CDIN1: variants seen among roughly 807,000 people sequenced by gnomAD.
The protein encoded by CDIN1 is CDAN1-interacting nuclease 1.
Under a neutral mutation model 45.3 loss-of-function variants are expected in CDIN1, and 33 were observed. That is an observed-to-expected ratio of 0.73 (90% CI 0.55 to 0.97). The LOEUF (loss-of-function observed/expected upper bound fraction) is 0.97, where lower values mean the gene tolerates loss of function less well. CDIN1 is among the 50% of genes least tolerant of loss of function. The pLI is 0.00. For missense variants in CDIN1, 303 were observed against 339.4 expected (o/e 0.89, Z 0.84); for synonymous variants, 118 against 124.4 (o/e 0.95, Z 0.34).
At chr15:36,709,831 A>T (rs117412070) in intron 9 of CDIN1, 25 bp from the exon 10 acceptor site, 5 of 1,576,774 alleles carry the variant, frequency 3.2e-6, no homozygotes, top group Non-Finnish European at 4.4e-6. Flanking sequence ...CCTTCTCCGT[A>T]TATTAGTAAT....
chr15:36,605,161 G>A (rs759759449), intron 1 of CDIN1, among the ~76,000 whole-genome samples: 1 of 151,664 alleles, frequency 6.6e-6, no homozygotes, highest in Admixed American at 6.6e-5. Flanking sequence ...TTATTATTTT[G>A]TACTATAGCC....
intron 6 of CDIN1, 31 bp from the exon 7 acceptor site, chr15:36,692,094 CA>C: frequency 6.2e-7 from 1 of 1,609,190 alleles, no homozygotes; most frequent in Non-Finnish European, 8.5e-7. Context: ...GTAGCCGCCC[CA>C]CCCCAGACCC....
chr15:36,624,340 A>G (rs2039326480), intron 1 of CDIN1, among the ~76,000 whole-genome samples: 1 of 152,220 alleles, frequency 6.6e-6, no homozygotes, highest in Non-Finnish European at 1.5e-5. Flanking sequence ...TGAATCAAGA[A>G]TAAAAGGTTG....
intron 1 of CDIN1, among the ~76,000 whole-genome samples, chr15:36,633,363 T>G (rs1001424595): frequency 1.3e-5 from 2 of 152,204 alleles, no homozygotes; most frequent in African/African-American, 2.4e-5. Context: ...GAGGTAACTC[T>G]TTTCTTGAGT....
intron 5 of CDIN1, among the ~76,000 whole-genome samples, chr15:36,682,549 G>A (rs181017034): frequency 6.6e-6 from 1 of 151,400 alleles, no homozygotes; most frequent in Non-Finnish European, 1.5e-5. Flanking sequence ...TGAGGCAGGT[G>A]GATTGCTTGA....
At chr15:36,644,361 C>T in intron 2 of CDIN1, 38 bp downstream of exon 2, 1 of 1,582,834 alleles carries the variant, frequency 6.3e-7, no homozygotes, top group South Asian at 1.1e-5. Flanking sequence ...TGACAGGTGC[C>T]TAATTGAATG....
intron 7 of CDIN1, among the ~76,000 whole-genome samples, chr15:36,693,618 A>G (rs888423542): frequency 4.6e-5 from 7 of 152,202 alleles, no homozygotes; most frequent in Non-Finnish European, 1.0e-4. Context: ...GATTTTAAAT[A>G]TAACTATCTA....
At chr15:36,630,167 T>G (rs1415323499) in intron 1 of CDIN1, among the ~76,000 whole-genome samples, 1 of 152,196 alleles carries the variant, frequency 6.6e-6, no homozygotes, top group Non-Finnish European at 1.5e-5. Flanking sequence ...TTTGATTACT[T>G]TAAAGGCCTA....
At chr15:36,706,052 A>G (rs1272031047) in intron 8 of CDIN1, 1 of 152,244 alleles carries the variant, frequency 6.6e-6, no homozygotes, top group Non-Finnish European at 1.5e-5. Flanking sequence ...TATGTTACTT[A>G]AACATCTAGT....
At chr15:36,793,460 C>A (rs1031728116) in intron 10 of CDIN1, among the ~76,000 whole-genome samples, 1 of 152,134 alleles carries the variant, frequency 6.6e-6, no homozygotes, top group Non-Finnish European at 1.5e-5. Context: ...CTCAGAGAGC[C>A]TCAATTTCTT....
chr15:36,789,053 GC>G (rs1397254747), intron 10 of CDIN1, among the ~76,000 whole-genome samples: 1 of 152,216 alleles, frequency 6.6e-6, no homozygotes, highest in Non-Finnish European at 1.5e-5. Context: ...TAGCTGATGA[GC>G]TTTAAAAACA....
intron 5 of CDIN1, among the ~76,000 whole-genome samples, chr15:36,665,499 G>T (rs541537551): frequency 2.0e-5 from 3 of 152,030 alleles, no homozygotes; most frequent in South Asian, 4.1e-4. Flanking sequence ...TTCTCAACTC[G>T]TGAAGAAAAT....
intron 3 of CDIN1, among the ~76,000 whole-genome samples, chr15:36,649,617 T>C (rs1191303286): frequency 6.6e-6 from 1 of 152,204 alleles, no homozygotes; most frequent in Non-Finnish European, 1.5e-5. Context: ...AAGTTCTCCA[T>C]GCTGTGGCCT....
At chr15:36,789,283 A>G (rs886837415) in intron 10 of CDIN1, among the ~76,000 whole-genome samples, 4 of 152,176 alleles carry the variant, frequency 2.6e-5, no homozygotes, top group Non-Finnish European at 5.9e-5. Flanking sequence ...CACACATGCA[A>G]GTTGAGGAGT....
chr15:36,714,248 A>G lies in CDIN1; in HGVS notation c.716+4287A>G, dbSNP rs917073949. 3.9e-5 allele frequency among the ~76,000 whole-genome samples: 6 copies of G among 152,186 alleles called. 1 individual carries two copies. Among genetic ancestry groups the G allele is most frequent in the African/African-American group, 9.7e-5 (4 of 41,446 alleles). ...AAATGTATTTAACATAAAGATTTTT[A>G]AAAACAGAAAATAACTGAGAACTAA... On this transcript the variant is annotated intron_variant, in intron 10 of 10. Coordinates refer to ENST00000566621, the MANE Select transcript of CDIN1 (RefSeq NM_001321759.2).
Position 36,579,766 on chromosome 15 carries a change from C to G in CDIN1, c.-95C>G. ...AAGCAGGCGAGGACCCGGGCCTGTG[C>G]CGCTTTGCCTACCCCTCATCCCTCG... On this transcript the variant is annotated 5_prime_UTR_variant, in exon 1 of 11. Transcript: ENST00000566621. 3.0e-6 allele frequency: 3 copies of G among 1,005,012 alleles called. No individual in the cohort carries two copies. The highest frequency in any genetic ancestry group is 4.4e-6 in the Non-Finnish European group (3 of 678,548). The allele number at this position is 1,005,012 out of a possible 1,614,324, so 62.3% of individuals were successfully genotyped here.
intron 10 of CDIN1, among the ~76,000 whole-genome samples, chr15:36,724,025 A>T (rs2043532540): frequency 6.6e-6 from 1 of 152,196 alleles, no homozygotes; most frequent in African/African-American, 2.4e-5. Context: ...TCCACATAAC[A>T]GTCCTATGAG....
intron 3 of CDIN1, among the ~76,000 whole-genome samples, chr15:36,647,996 C>T (rs1228659011): frequency 4.6e-5 from 7 of 152,172 alleles, no homozygotes; most frequent in Non-Finnish European, 7.4e-5. Context: ...CCCGCCACCA[C>T]GCCCGGCTAA....
At chr15:36,742,480 G>A (rs2044273450) in intron 10 of CDIN1, among the ~76,000 whole-genome samples, 1 of 152,096 alleles carries the variant, frequency 6.6e-6, no homozygotes, top group Non-Finnish European at 1.5e-5. Context: ...AACGAAGAAG[G>A]CAAAAATCAA....
Sources: allele counts gnomAD v4.1 joint callset (sites outside exome capture counted in the v4.1 genomes callset), GRCh38; gene constraint gnomAD v4.1.1; transcripts MANE v1.5; gene names NCBI Gene and HGNC (gene_info 2026-07-23, HGNC 2026-07-21).